Variants in PKN2 observed in about 807,000 individuals in gnomAD.
PKN2 encodes the protein serine/threonine-protein kinase N2.
In PKN2, 38 loss-of-function variants were observed where a neutral mutation model predicts 119.1. The observed-to-expected ratio is 0.32, with a 90% CI of 0.25 to 0.42. The LOEUF (loss-of-function observed/expected upper bound fraction) is 0.42. Among genes scored for constraint, PKN2 ranks in the 10% least tolerant of loss-of-function variants. PKN2 has a pLI of 1.00. For missense variants in PKN2, 850 were observed against 1,165.1 expected (o/e 0.73, Z 3.94); for synonymous variants, 390 against 384.9 (o/e 1.01, Z -0.15).
intron 8 of PKN2, among the ~76,000 whole-genome samples, chr1:88,788,346 C>A (rs893376653): frequency 6.6e-6 from 1 of 152,024 alleles, no homozygotes; most frequent in Non-Finnish European, 1.5e-5. Context: ...TTAGAAAAAA[C>A]GTTTTTAAAT....
intron 8 of PKN2, among the ~76,000 whole-genome samples, chr1:88,802,427 G>A (rs536179286): frequency 2.6e-5 from 4 of 152,076 alleles, no homozygotes; most frequent in African/African-American, 9.6e-5. Context: ...CTGGGTTTAA[G>A]TGATTCTCAT....
chr1:88,708,266 T>C (rs1667081020), intron 1 of PKN2, among the ~76,000 whole-genome samples: 1 of 152,154 alleles, frequency 6.6e-6, no homozygotes, highest in African/African-American at 2.4e-5. Flanking sequence ...AAACTAGTTA[T>C]GGGTATTAAC....
intron 8 of PKN2, among the ~76,000 whole-genome samples, chr1:88,797,220 G>C (rs934376513): frequency 6.6e-6 from 1 of 151,992 alleles, no homozygotes; most frequent in Non-Finnish European, 1.5e-5. Flanking sequence ...TGTAATCCTA[G>C]CTACTCAGGA....
chr1:88,766,460 A>T (rs1478181684), intron 3 of PKN2, among the ~76,000 whole-genome samples: 1 of 152,226 alleles, frequency 6.6e-6, no homozygotes, highest in East Asian at 1.9e-4. Flanking sequence ...AAAATAAAAA[A>T]CATAATTTGA....
intron 1 of PKN2, among the ~76,000 whole-genome samples, chr1:88,720,634 T>A (rs954427490): frequency 6.6e-6 from 1 of 152,200 alleles, no homozygotes; most frequent in African/African-American, 2.4e-5. Context: ...CCCTTTTTTT[T>A]ATTATTTCAA....
intron 1 of PKN2, among the ~76,000 whole-genome samples, chr1:88,686,731 T>A (rs2100637690): frequency 6.6e-6 from 1 of 152,232 alleles, no homozygotes; most frequent in Admixed American, 6.5e-5. Context: ...TAAAGTTTGC[T>A]TCTCCAAATA....
intron 2 of PKN2, among the ~76,000 whole-genome samples, chr1:88,757,628 A>T (rs570493375): frequency 6.6e-6 from 1 of 152,170 alleles, no homozygotes; most frequent in African/African-American, 2.4e-5. Context: ...TGACCAAGTT[A>T]CTTATCACCT....
intron 1 of PKN2, among the ~76,000 whole-genome samples, chr1:88,711,309 G>GAA (rs149982998): frequency 1.4e-5 from 2 of 147,026 alleles, no homozygotes; most frequent in African/African-American, 2.5e-5. Flanking sequence ...GAGAGAAGTG[G>GAA]AAAAAAAAAA....
At chr1:88,695,066 G>C (rs1041983271) in intron 1 of PKN2, among the ~76,000 whole-genome samples, 19 of 151,888 alleles carry the variant, frequency 1.3e-4, no homozygotes, top group Non-Finnish European at 2.1e-4. Context: ...GGCAGAGCTT[G>C]CAGTGAGCCG....
intron 1 of PKN2, among the ~76,000 whole-genome samples, chr1:88,727,480 A>AT (rs904395140): frequency 3.3e-5 from 5 of 152,114 alleles, no homozygotes; most frequent in African/African-American, 1.2e-4. Flanking sequence ...CCAAGGCCAC[A>AT]TTTTTTTAAT....
chr1:88,773,225 C>CTTT (rs529309827), intron 6 of PKN2, among the ~76,000 whole-genome samples: 2 of 144,854 alleles, frequency 1.4e-5, no homozygotes, highest in African/African-American at 5.0e-5. Context: ...TTCTGTCAGT[C>CTTT]TTTTTTTTTT....
chr1:88,738,430 A>G (rs987582931), intron 1 of PKN2, among the ~76,000 whole-genome samples: 21 of 152,228 alleles, frequency 1.4e-4, no homozygotes, highest in African/African-American at 5.1e-4. Flanking sequence ...CTTGAAAGAG[A>G]TAACTGCAGG....
At chr1:88,729,556 T>G (rs568880971) in intron 1 of PKN2, among the ~76,000 whole-genome samples, 1 of 152,336 alleles carries the variant, frequency 6.6e-6, no homozygotes. Context: ...TTCTCTCGTC[T>G]TCCATGTTGT....
chr1:88,694,970 AC>A (rs1318685373), intron 1 of PKN2, among the ~76,000 whole-genome samples: 3 of 152,194 alleles, frequency 2.0e-5, no homozygotes, highest in Non-Finnish European at 4.4e-5. Context: ...TACTAAAAAT[AC>A]AAAAAATTAG....
intron 19 of PKN2, chr1:88,829,015 C>T (rs758025550): frequency 6.2e-6 from 4 of 641,660 alleles, no homozygotes; most frequent in East Asian, 3.2e-5. Flanking sequence ...TCCAGACTTC[C>T]GTCTGAGCAA....
At chr1:88,731,489 A>G (rs1186921477) in intron 1 of PKN2, among the ~76,000 whole-genome samples, 4 of 152,184 alleles carry the variant, frequency 2.6e-5, no homozygotes, top group Admixed American at 6.5e-5. Context: ...TAAAAACGCA[A>G]TTTACCAGGA....
At position 88,805,655 on chromosome 1, in the gene PKN2, C is replaced by T. The variant is rs1671506838; in HGVS notation, c.1660C>T (p.Leu554=). ...AGTGGTTGATGTACGCATCCCTCAACTAGCACCTCCAGCTAGGTATGTGTC... is the reference window on the plus strand; with the variant it reads ...AGTGGTTGATGTACGCATCCCTCAATTAGCACCTCCAGCTAGGTATGTGTC... ...VPVVDVRIPQ[L]APPASDSTVT... The change falls in exon 11 of 22, where the codon CTA becomes TTA. Residue 554 remains leucine (L), a synonymous_variant. Coordinates refer to ENST00000370521, the MANE Select transcript of PKN2 (RefSeq NM_006256.4). The T allele has an allele frequency of 6.2e-7, 1 of 1,613,968 alleles. No homozygotes were observed. Among genetic ancestry groups the T allele is most frequent in the Admixed American group, 1.7e-5 (1 of 59,992 alleles).
At chr1:88,684,920 C>G in intron 1 of PKN2, 1 of 354,158 alleles carries the variant, frequency 2.8e-6, no homozygotes, top group Non-Finnish European at 5.1e-6. Flanking sequence ...CTCGCCTGGT[C>G]CCCGGAGAGG....
intron 2 of PKN2, among the ~76,000 whole-genome samples, chr1:88,754,237 T>C (rs532758464): frequency 1.3e-5 from 2 of 152,252 alleles, no homozygotes; most frequent in African/African-American, 2.4e-5. Context: ...TATTTTTTTT[T>C]CTCTGTGTCT....
Sources: gnomAD v4.1 joint callset for allele counts (sites outside exome capture counted in the v4.1 genomes callset) on GRCh38, gnomAD v4.1.1 for gene constraint, MANE v1.5 for transcripts, NCBI Gene and HGNC (gene_info 2026-07-23, HGNC 2026-07-21) for gene names.